Variants in CNTNAP2 observed in about 807,000 individuals in gnomAD.
The protein encoded by CNTNAP2 is contactin associated protein 2, also known as contactin-associated protein-like 2.
A neutral mutation model predicts 155.2 loss-of-function variants in CNTNAP2; 98 were observed. The observed-to-expected ratio is 0.63, with a 90% CI of 0.54 to 0.75. The LOEUF is 0.75. Among genes scored for constraint, CNTNAP2 ranks in the 30% least tolerant of loss-of-function variants. The pLI, the probability that CNTNAP2 is intolerant of heterozygous loss-of-function variation, is 0.00. For missense variants in CNTNAP2, 1,727 were observed against 1,688.1 expected (o/e 1.02, Z -0.40); for synonymous variants, 651 against 631.2 (o/e 1.03, Z -0.47).
chr7:146,495,436 G>T (rs1797199916), intron 1 of CNTNAP2, among the ~76,000 whole-genome samples: 1 of 151,878 alleles, frequency 6.6e-6, no homozygotes, highest in Non-Finnish European at 1.5e-5. Flanking sequence ...CTGATAATTA[G>T]TTACCCTCTG....
At chr7:148,346,497 T>C (rs1798327880) in intron 21 of CNTNAP2, among the ~76,000 whole-genome samples, 1 of 152,080 alleles carries the variant, frequency 6.6e-6, no homozygotes, top group Admixed American at 6.5e-5. Context: ...TTAGGCCGGG[T>C]GCGGTGGCTC....
At chr7:146,516,381 T>C (rs547113375) in intron 1 of CNTNAP2, among the ~76,000 whole-genome samples, 1 of 152,156 alleles carries the variant, frequency 6.6e-6, no homozygotes, top group East Asian at 1.9e-4. Context: ...GCTATTTTAA[T>C]GCTTCCAATG....
chr7:146,883,592 T>G (rs1431773893), intron 3 of CNTNAP2, among the ~76,000 whole-genome samples: 2 of 152,162 alleles, frequency 1.3e-5, no homozygotes, highest in Non-Finnish European at 2.9e-5. Flanking sequence ...CAAATTTAAG[T>G]GTTTCTGTCT....
intron 3 of CNTNAP2, among the ~76,000 whole-genome samples, chr7:146,933,042 C>T (rs1796814641): frequency 2.6e-5 from 4 of 152,092 alleles, no homozygotes; most frequent in Admixed American, 6.6e-5. Flanking sequence ...AATGCCATCC[C>T]CATCAAGCTA....
chr7:146,128,811 G>C (rs754582592), intron 1 of CNTNAP2, among the ~76,000 whole-genome samples: 7 of 151,994 alleles, frequency 4.6e-5, no homozygotes, highest in African/African-American at 7.2e-5. Context: ...ATACTAAGAA[G>C]TATTATAATT....
intron 13 of CNTNAP2, among the ~76,000 whole-genome samples, chr7:147,899,408 G>A (rs545255373): frequency 2.1e-4 from 32 of 152,230 alleles, no homozygotes; most frequent in Non-Finnish European, 4.4e-4. Flanking sequence ...CTGGGAAGAC[G>A]GGGAAGTAGG....
chr7:147,361,381 T>C (rs1796145365), intron 9 of CNTNAP2, among the ~76,000 whole-genome samples: 1 of 152,230 alleles, frequency 6.6e-6, no homozygotes. Context: ...TTTGCAATTT[T>C]CAACAAGATG....
rs1799308671 is a variant in CNTNAP2 at position 147,044,055 on chromosome 7, G to A, written c.550+1G>A. Reference sequence around the variant, plus strand: ...ATTGAAGTTTATGGCTGTTCTTACTGTGAGTATCGTATTGTTTAAATTTGT... The same window carrying A: ...ATTGAAGTTTATGGCTGTTCTTACTATGAGTATCGTATTGTTTAAATTTGT... On this transcript the variant is annotated splice_donor_variant, in intron 4 of 23. Transcript: ENST00000361727. LOFTEE classifies it high-confidence loss of function. 2.5e-6 allele frequency: 4 copies of A among 1,614,050 alleles called. No individual in the cohort carries two copies. Among genetic ancestry groups the A allele is most frequent in the Non-Finnish European group, 3.4e-6 (4 of 1,179,970 alleles).
At chr7:148,216,128 C>T (rs945561739) in intron 18 of CNTNAP2, among the ~76,000 whole-genome samples, 1 of 152,080 alleles carries the variant, frequency 6.6e-6, no homozygotes, top group South Asian at 2.1e-4. Flanking sequence ...CACAGTGAGT[C>T]GGAGTGATTT....
At chr7:147,864,150 A>G (rs993906031) in intron 13 of CNTNAP2, among the ~76,000 whole-genome samples, 13 of 152,290 alleles carry the variant, frequency 8.5e-5, no homozygotes, top group Admixed American at 1.3e-4. Flanking sequence ...ACATATGGCT[A>G]GCCAGTTTTC....
intron 20 of CNTNAP2, among the ~76,000 whole-genome samples, chr7:148,262,737 G>T (rs1319987857): frequency 1.3e-5 from 2 of 152,146 alleles, no homozygotes; most frequent in African/African-American, 4.8e-5. Context: ...CAAGGAAGGT[G>T]ACGCGCTCTC....
intron 15 of CNTNAP2, among the ~76,000 whole-genome samples, chr7:148,081,862 G>T (rs1357557048): frequency 6.6e-6 from 1 of 152,152 alleles, no homozygotes; most frequent in Non-Finnish European, 1.5e-5. Context: ...GAGAAAGTGG[G>T]CTTGCGAGAG....
chr7:146,629,979 A>G (rs1799483678), intron 1 of CNTNAP2, among the ~76,000 whole-genome samples: 1 of 151,466 alleles, frequency 6.6e-6, no homozygotes, highest in African/African-American at 2.4e-5. Flanking sequence ...CATATAATGC[A>G]TAGAATATGG....
chr7:147,292,112 GA>G (rs1344903763), intron 8 of CNTNAP2, among the ~76,000 whole-genome samples: 2 of 152,092 alleles, frequency 1.3e-5, no homozygotes, highest in Non-Finnish European at 2.9e-5. Context: ...ATTATCAAGT[GA>G]TTTTGATGTC....
At chr7:148,170,396 C>T (rs570265193) in intron 17 of CNTNAP2, among the ~76,000 whole-genome samples, 5 of 152,304 alleles carry the variant, frequency 3.3e-5, no homozygotes, top group African/African-American at 9.6e-5. Context: ...TTCTAACACA[C>T]AAGGTGTAAC....
intron 15 of CNTNAP2, among the ~76,000 whole-genome samples, chr7:148,015,411 G>T (rs1424534536): frequency 6.6e-6 from 1 of 152,142 alleles, no homozygotes; most frequent in Non-Finnish European, 1.5e-5. Context: ...CGCACAGTGG[G>T]CTCTGCTCCT....
intron 13 of CNTNAP2, among the ~76,000 whole-genome samples, chr7:147,817,832 G>C (rs1463856047): frequency 6.6e-6 from 1 of 150,824 alleles, no homozygotes; most frequent in Non-Finnish European, 1.5e-5. Flanking sequence ...GTGAACCCAG[G>C]AGGTGGATCT....
chr7:147,576,803 G>A (rs917033491), intron 12 of CNTNAP2, among the ~76,000 whole-genome samples: 6 of 151,708 alleles, frequency 4.0e-5, no homozygotes, highest in Admixed American at 6.6e-5. Context: ...CAACTTATAC[G>A]TTTGGGGTAG....
intron 3 of CNTNAP2, among the ~76,000 whole-genome samples, chr7:146,901,025 A>AAGT (rs756989698): frequency 7.6e-6 from 1 of 130,924 alleles, no homozygotes; most frequent in African/African-American, 2.9e-5. Context: ...ATTCTGATTA[A>AAGT]AGTAGTAATA....
Sources: gnomAD v4.1 joint callset for allele counts (sites outside exome capture counted in the v4.1 genomes callset) on GRCh38, gnomAD v4.1.1 for gene constraint, MANE v1.5 for transcripts, NCBI Gene and HGNC (gene_info 2026-07-23, HGNC 2026-07-21) for gene names.